The following DNAL1 variants were observed in gnomAD, a reference collection of about 807,000 sequenced individuals.
DNAL1 encodes the protein dynein axonemal light chain 1.
In DNAL1, 17 loss-of-function variants were observed where a neutral mutation model predicts 29.4. The ratio of observed to expected loss-of-function variants is 0.58; its 90% CI spans 0.40 to 0.87. The LOEUF (loss-of-function observed/expected upper bound fraction) is 0.87, where lower values mean the gene tolerates loss of function less well. DNAL1 is among the 40% of genes least tolerant of loss of function. The pLI is 0.00. For synonymous variants in DNAL1, 78 were observed against 76.3 expected (o/e 1.02, Z -0.12); for missense variants, 188 against 214.1 (o/e 0.88, Z 0.76).
chr14:73,695,048 CTTT>C (rs71112798), intron 7 of DNAL1, among the ~76,000 whole-genome samples: 1,020 of 60,820 alleles, frequency 0.017, 4 homozygotes, highest in Middle Eastern at 0.038. Flanking sequence ...TACTTGTTGG[CTTT>C]TTTTTTTTTT....
intron 5 of DNAL1, among the ~76,000 whole-genome samples, chr14:73,673,894 AAAGG>A (rs1466484137): frequency 6.7e-6 from 1 of 149,732 alleles, no homozygotes; most frequent in Non-Finnish European, 1.5e-5. Context: ...GGGAAAAAAA[AAAGG>A]AAAGAAAAAG....
At chr14:73,689,580 A>G (rs1892117067) in intron 7 of DNAL1, 65 bp downstream of exon 7, 5 of 1,556,094 alleles carry the variant, frequency 3.2e-6, no homozygotes, top group Middle Eastern at 1.7e-4. Flanking sequence ...GTGGCATGGA[A>G]TCATGAAGAG....
chr14:73,695,904 A>T lies in DNAL1; in HGVS notation c.535A>T (p.Thr179Ser). The T allele has an allele frequency of 6.3e-7, 1 of 1,580,906 alleles. No homozygotes were observed. The highest frequency in any genetic ancestry group is 8.6e-7 in the Non-Finnish European group (1 of 1,161,984). Residue 179 changes from threonine to serine, a missense_variant and splice_region_variant, in exon 8 of 8, where the codon ACT becomes TCT. By Grantham distance (58) the Thr-to-Ser change is moderately conservative. Coordinates refer to ENST00000553645, the MANE Select transcript of DNAL1 (RefSeq NM_031427.4). The part of the protein sequence containing the change: ...RVPKLKKLDG[T>S]PVIKGDEEED... ...AATAATTTTCTTTTTCATTTTAGGT[A>T]CTCCAGTAATTAAAGGGGATGAGGA...
chr14:73,676,895 TC>T (rs1891745302), intron 5 of DNAL1, among the ~76,000 whole-genome samples: 1 of 152,146 alleles, frequency 6.6e-6, no homozygotes, highest in African/African-American at 2.4e-5. Context: ...AATGCTAGTT[TC>T]TATTTCCATC....
chr14:73,692,354 C>T (rs1415039613), intron 7 of DNAL1, among the ~76,000 whole-genome samples: 1 of 151,900 alleles, frequency 6.6e-6, no homozygotes, highest in Non-Finnish European at 1.5e-5. Context: ...TGGTGGCAGG[C>T]GCCTATAATC....
chr14:73,679,077 A>G (rs1595218377), intron 5 of DNAL1, among the ~76,000 whole-genome samples: 1 of 151,888 alleles, frequency 6.6e-6, no homozygotes, highest in Non-Finnish European at 1.5e-5. Context: ...GCTCACTGCA[A>G]CCTCCACCTC....
chr14:73,689,523 AT>A lies in DNAL1; in HGVS notation c.532+10del. 1 of 1,588,292 alleles carries A rather than the reference AT, an allele frequency of 6.3e-7. No individual in the cohort carries two copies. The highest frequency in any genetic ancestry group is 8.6e-7 in the Non-Finnish European group (1 of 1,167,032). Reference sequence around the variant, plus strand: ...AACTGAAAAAGCTGGATGGTGAGTGATTCTGAGCTGGCTTAGACATATCTTC... The same window carrying A: ...AACTGAAAAAGCTGGATGGTGAGTGATCTGAGCTGGCTTAGACATATCTTC... On this transcript the variant is annotated intron_variant, in intron 7 of 7. Transcript: ENST00000553645.
chr14:73,677,337 TTTTTC>T (rs910744777), intron 5 of DNAL1, among the ~76,000 whole-genome samples: 2 of 150,972 alleles, frequency 1.3e-5, no homozygotes, highest in African/African-American at 4.9e-5. Flanking sequence ...TGGTGTTGAT[TTTTTC>T]TTTTTTTTTT....
chr14:73,677,881 TATTTGTGTGTG>T (rs1891780468), intron 5 of DNAL1, among the ~76,000 whole-genome samples: 2 of 123,288 alleles, frequency 1.6e-5, no homozygotes, highest in Admixed American at 8.8e-5. Flanking sequence ...TATATATATA[TATTTGTGTGTG>T]TGTGTGTGTG....
chr14:73,679,449 GA>G (rs1891822839), intron 5 of DNAL1, among the ~76,000 whole-genome samples: 1 of 152,048 alleles, frequency 6.6e-6, no homozygotes, highest in Non-Finnish European at 1.5e-5. Flanking sequence ...CCAAAAGGTG[GA>G]AGCAACCTAA....
rs1490225618 is a variant in DNAL1, at chr14:73,700,373, G to C, written c.*4431G>C. 1.3e-5 allele frequency: 2 copies of C among 151,904 alleles called. No homozygotes were observed. The highest frequency in any genetic ancestry group is 2.9e-5 in the Non-Finnish European group (2 of 67,960). The allele number at this position is 151,904 out of a possible 1,614,324, so 9.4% of individuals were successfully genotyped here. On this transcript the variant is annotated 3_prime_UTR_variant, in exon 8 of 8. Transcript: ENST00000553645. ...GTCTCAAAAAGAAAAAAAAAAATGT[G>C]GTTCTTTTGTGGAAAGAGGAATTTG...
intron 5 of DNAL1, among the ~76,000 whole-genome samples, chr14:73,678,163 G>C (rs930019413): frequency 6.6e-6 from 1 of 151,818 alleles, no homozygotes; most frequent in Non-Finnish European, 1.5e-5. Context: ...CTCCCAAAGT[G>C]CTTAGGACTA....
intron 1 of DNAL1, among the ~76,000 whole-genome samples, chr14:73,647,153 T>G (rs1379715194): frequency 2.6e-5 from 4 of 151,738 alleles, no homozygotes; most frequent in Non-Finnish European, 5.9e-5. Context: ...GGTCAGAAGA[T>G]CGAGACCATC....
At chr14:73,687,185 G>C (rs567223466) in intron 5 of DNAL1, 74 bp from the exon 6 acceptor site, 1 of 1,575,656 alleles carries the variant, frequency 6.3e-7, no homozygotes, top group Admixed American at 1.8e-5. Context: ...AAGCCATTAT[G>C]TATATCTTTA....
intron 7 of DNAL1, among the ~76,000 whole-genome samples, chr14:73,693,541 A>G (rs1892225306): frequency 6.6e-6 from 1 of 151,648 alleles, no homozygotes; most frequent in African/African-American, 2.4e-5. Context: ...TCATACAAAC[A>G]TAGTGTTGAA....
At chr14:73,663,995 G>A (rs897695688) in intron 4 of DNAL1, among the ~76,000 whole-genome samples, 48 of 152,264 alleles carry the variant, frequency 3.2e-4, no homozygotes, top group Non-Finnish European at 6.3e-4. Context: ...TTGTGGGTTT[G>A]TTTTAGGTAA....
In DNAL1 at chr14:73,702,318, T is replaced by G. The variant is rs1892457654; in HGVS notation, c.*6376T>G. The G allele has an allele frequency of 6.6e-6, 1 of 152,108 alleles. No individual in the cohort carries two copies. Among genetic ancestry groups the G allele is most frequent in the Admixed American group, 6.6e-5 (1 of 15,262 alleles). 9.4% of individuals were successfully genotyped at this position (152,108 alleles called of 1,614,324 possible). On this transcript the variant is annotated 3_prime_UTR_variant, in exon 8 of 8. Transcript: ENST00000553645. The stretch of plus-strand genomic sequence containing the variant: ...CCATGCTTGGCTAATTTTTGTATTT[T>G]TAGTAGAGACGAAGTTTCACCATGC...
intron 5 of DNAL1, among the ~76,000 whole-genome samples, chr14:73,674,068 G>A (rs76315573): frequency 2.0e-4 from 31 of 151,960 alleles, no homozygotes; most frequent in African/African-American, 7.2e-4. Flanking sequence ...TTAAGTTGAA[G>A]GAAAGGGGTT....
At chr14:73,647,343 C>T (rs113291011) in intron 1 of DNAL1, among the ~76,000 whole-genome samples, 46 of 133,162 alleles carry the variant, frequency 3.5e-4, no homozygotes, top group African/African-American at 1.1e-3. Context: ...CCAGCCTGGG[C>T]GACAGAGCAA....
Sources: gnomAD v4.1 joint callset for allele counts (sites outside exome capture counted in the v4.1 genomes callset) on GRCh38, gnomAD v4.1.1 for gene constraint, MANE v1.5 for transcripts, NCBI Gene and HGNC (gene_info 2026-07-23, HGNC 2026-07-21) for gene names.